The following MACROD2 variants were observed in gnomAD, a reference collection of about 807,000 sequenced individuals.
MACROD2 encodes ADP-ribose glycohydrolase MACROD2.
MACROD2 carries 36 observed loss-of-function variants against 70.4 expected under a neutral mutation model. The ratio of observed to expected loss-of-function variants is 0.51; its 90% CI spans 0.39 to 0.68. The LOEUF (loss-of-function observed/expected upper bound fraction) is 0.68. MACROD2 is among the 30% of genes least tolerant of loss of function. The pLI is 0.00. For missense variants in MACROD2, 496 were observed against 538.4 expected (o/e 0.92, Z 0.78); for synonymous variants, 172 against 178.8 (o/e 0.96, Z 0.30).
intron 3 of MACROD2, among the ~76,000 whole-genome samples, chr20:14,316,221 T>C (rs1357305340): frequency 6.6e-6 from 1 of 152,160 alleles, no homozygotes; most frequent in Non-Finnish European, 1.5e-5. Context: ...GAAAGACAAG[T>C]GTTACTTTTA....
chr20:14,107,816 A>C (rs1325063121), intron 3 of MACROD2, among the ~76,000 whole-genome samples: 1 of 152,158 alleles, frequency 6.6e-6, no homozygotes, highest in Non-Finnish European at 1.5e-5. Flanking sequence ...AAGGAGAAAG[A>C]AAGACCTTCC....
At chr20:14,272,782 A>C (rs2082208829) in intron 3 of MACROD2, among the ~76,000 whole-genome samples, 2 of 152,236 alleles carry the variant, frequency 1.3e-5, no homozygotes, top group South Asian at 4.1e-4. Context: ...TAAGCTCAAA[A>C]TAAAAGGATG....
intron 4 of MACROD2, among the ~76,000 whole-genome samples, chr20:14,596,841 G>A (rs940421738): frequency 1.3e-5 from 2 of 152,148 alleles, no homozygotes; most frequent in Admixed American, 1.3e-4. Flanking sequence ...ATCAAATGAA[G>A]TATGTTTGTA....
In MACROD2 at chr20:15,637,643, G is replaced by A. The variant is rs140734981; in HGVS notation, c.645+137796G>A. ...AGGCCCACAACATTGGGGGATGTTC[G>A]AGAAAAGAAGGGAGACCGTGAGCCC... On this transcript the variant is annotated intron_variant, in intron 8 of 17. Coordinates refer to ENST00000684519, the MANE Select transcript of MACROD2 (RefSeq NM_001351661.2). 1.4e-4 allele frequency among the ~76,000 whole-genome samples: 22 copies of A among 152,304 alleles called. No homozygotes were observed. The South Asian group carries it at 1.5e-3, about 10-fold the overall frequency.
At chr20:14,895,520 T>C (rs2073817453) in intron 5 of MACROD2, 1 of 152,114 alleles carries the variant, frequency 6.6e-6, no homozygotes, top group South Asian at 2.1e-4. Flanking sequence ...TAGGGGTAGA[T>C]GGCTTTTGCG....
Position 14,712,205 on chromosome 20 carries a change from C to T in MACROD2, c.418+27246C>T, listed in dbSNP as rs377278853. On this transcript the variant is annotated intron_variant, in intron 5 of 17. Coordinates refer to ENST00000684519, the MANE Select transcript of MACROD2 (RefSeq NM_001351661.2). ...GTTGGAAATACACACTTATTTCATC[C>T]CTGTACTTCTATATAGGGGAGTTAT... Among the ~76,000 whole-genome samples the T allele has an allele frequency of 2.2e-4, 34 of 152,012 alleles. No homozygotes were observed. The East Asian group carries it at 2.3e-3, about 10-fold the overall frequency.
Position 15,322,402 on chromosome 20 carries a change from A to G in MACROD2, c.540+92341A>G, listed in dbSNP as rs1275992532. On this transcript the variant is annotated intron_variant, in intron 6 of 17. Transcript: ENST00000684519. ...AGTGATTCACAAAAATGGAGCCACA[A>G]ATAATAAAAAATCATTTGTGCTGAC... 2.1e-5 allele frequency among the ~76,000 whole-genome samples: 3 copies of G among 143,734 alleles called. 1 individual carries two copies. Among genetic ancestry groups the G allele is most frequent in the Non-Finnish European group, 4.7e-5 (3 of 63,588 alleles). 94.3% of individuals were successfully genotyped at this position (143,734 alleles called of 152,430 possible).
Position 15,982,019 on chromosome 20 carries a change from G to A in MACROD2, c.986-4708G>A, listed in dbSNP as rs145837765. Among the ~76,000 whole-genome samples the A allele has an allele frequency of 3.6e-4, 54 of 151,214 alleles. No individual in the cohort carries two copies. In the South Asian group the frequency reaches 8.4e-3, roughly 23 times the overall value. On this transcript the variant is annotated intron_variant, in intron 13 of 17. Transcript: ENST00000684519. Reference sequence around the variant, plus strand: ...ATTTTTTTTCCCTCATCAGAGAACCGCATCTTATTCTATGCTGCTTACTAT... The same window carrying A: ...ATTTTTTTTCCCTCATCAGAGAACCACATCTTATTCTATGCTGCTTACTAT...
chr20:15,278,903 C>T (rs188184535), intron 6 of MACROD2, among the ~76,000 whole-genome samples: 41 of 152,282 alleles, frequency 2.7e-4, no homozygotes, highest in Admixed American at 2.7e-3. Flanking sequence ...TTGCATGTGT[C>T]ACAGTGTTTT....
intron 6 of MACROD2, among the ~76,000 whole-genome samples, chr20:15,302,790 C>CA (rs2146130254): frequency 6.6e-6 from 1 of 152,330 alleles, no homozygotes; most frequent in South Asian, 2.1e-4. Context: ...AGCTCTTCCT[C>CA]AAAGCATTAT....
At chr20:14,596,363 TACAG>T (rs1982142309) in intron 4 of MACROD2, among the ~76,000 whole-genome samples, 1 of 150,606 alleles carries the variant, frequency 6.6e-6, no homozygotes, top group Non-Finnish European at 1.5e-5. Flanking sequence ...GTGCTGGGAT[TACAG>T]GCGTGAGCCA....
intron 7 of MACROD2, among the ~76,000 whole-genome samples, chr20:15,499,213 A>C (rs550491336): frequency 1.3e-5 from 2 of 152,316 alleles, no homozygotes; most frequent in East Asian, 3.9e-4. Flanking sequence ...CTATGCAACA[A>C]GACCTGATTA....
chr20:15,322,043 G>A lies in MACROD2; in HGVS notation c.540+91982G>A, dbSNP rs984175646. ...CTTGACCTTGTGATCTGCCCGCCTC[G>A]GCCTCCCAAAGTGCTGGGATTACAG... On this transcript the variant is annotated intron_variant, in intron 6 of 17. Transcript: ENST00000684519. 1.2e-4 allele frequency among the ~76,000 whole-genome samples: 17 copies of A among 143,518 alleles called. 2 individuals are homozygous for A. The highest frequency in any genetic ancestry group is 2.3e-4 in the South Asian group (1 of 4,312). 94.2% of individuals were successfully genotyped at this position (143,518 alleles called of 152,430 possible). A position where few individuals can be genotyped will look rare whatever the true frequency, so the allele number is the denominator to read the frequency against.
intron 8 of MACROD2, among the ~76,000 whole-genome samples, chr20:15,539,499 T>C (rs915392538): frequency 1.3e-5 from 2 of 152,240 alleles, no homozygotes; most frequent in Non-Finnish European, 1.5e-5. Flanking sequence ...TTCTTTGTTA[T>C]TGTTGTTCAA....
At chr20:14,388,036 G>T (rs1305028998) in intron 3 of MACROD2, among the ~76,000 whole-genome samples, 2 of 146,148 alleles carry the variant, frequency 1.4e-5, no homozygotes, top group Non-Finnish European at 1.5e-5. Flanking sequence ...TTGAGACAGA[G>T]TCTTGCTCAG....
At chr20:15,360,388 A>C (rs1295056586) in intron 6 of MACROD2, among the ~76,000 whole-genome samples, 2 of 152,168 alleles carry the variant, frequency 1.3e-5, no homozygotes, top group African/African-American at 4.8e-5. Context: ...ACCAGCAATC[A>C]TGTGATTGCT....
chr20:15,946,505 T>A (rs2065824820), intron 12 of MACROD2, among the ~76,000 whole-genome samples: 1 of 152,214 alleles, frequency 6.6e-6, no homozygotes, highest in African/African-American at 2.4e-5. Context: ...CATAGAGTAG[T>A]AACTATCCTG....
intron 15 of MACROD2, among the ~76,000 whole-genome samples, chr20:16,005,128 G>A (rs1438167558): frequency 6.6e-6 from 1 of 152,158 alleles, no homozygotes; most frequent in Non-Finnish European, 1.5e-5. Context: ...ACAAGAAGGA[G>A]TCATGTGAAA....
At chr20:15,772,778 A>G (rs2051657586) in intron 8 of MACROD2, among the ~76,000 whole-genome samples, 3 of 152,114 alleles carry the variant, frequency 2.0e-5, no homozygotes, top group Admixed American at 2.0e-4. Context: ...AATCTCAGAA[A>G]TCGCCACTCA....
Sources: gnomAD v4.1 joint callset for allele counts (sites outside exome capture counted in the v4.1 genomes callset) on GRCh38, gnomAD v4.1.1 for gene constraint, MANE v1.5 for transcripts, NCBI Gene and HGNC (gene_info 2026-07-23, HGNC 2026-07-21) for gene names.